Variants in ADAM18 observed in about 807,000 individuals in gnomAD.
ADAM18 encodes the protein disintegrin and metalloproteinase domain-containing protein 18.
In ADAM18, 117 loss-of-function variants were observed where a neutral mutation model predicts 94.4. The ratio of observed to expected loss-of-function variants is 1.24; its 90% CI spans 1.07 to 1.45. The LOEUF is 1.45. ADAM18 is among the 40% of genes most tolerant of loss of function. The pLI, the probability that ADAM18 is intolerant of heterozygous loss-of-function variation, is 0.00. For synonymous variants in ADAM18, 327 were observed against 291.6 expected, an observed-to-expected ratio of 1.12 and a Z score of -1.24; for missense variants, 936 against 880.0, an observed-to-expected ratio of 1.06 and a Z score of -0.81.
At chr8:39,598,815 T>G (rs1043318601) in intron 2 of ADAM18, among the ~76,000 whole-genome samples, 2 of 151,984 alleles carry the variant, frequency 1.3e-5, no homozygotes, top group African/African-American at 4.8e-5. Flanking sequence ...TTGGATTTTT[T>G]CTTTTTTCTT....
intron 16 of ADAM18, among the ~76,000 whole-genome samples, chr8:39,684,681 C>G (rs573862480): frequency 6.6e-6 from 1 of 152,296 alleles, no homozygotes; most frequent in African/African-American, 2.4e-5. Context: ...CCCAGCTCCA[C>G]TGGGCATTGC....
intron 18 of ADAM18, among the ~76,000 whole-genome samples, chr8:39,720,349 T>C (rs1258449434): frequency 6.6e-6 from 1 of 151,456 alleles, no homozygotes; most frequent in African/African-American, 2.4e-5. Flanking sequence ...GAAATGTGTA[T>C]GGATTATGGA....
Position 39,645,353 on chromosome 8 carries a change from G to T in ADAM18, c.925G>T (p.Gly309Cys), listed in dbSNP as rs113272825. ...AGIAMYPDAI[G>C]LEGFSVIIAQ... The stretch of plus-strand genomic sequence containing the variant: ...TTTATTTTAGTATCCAGATGCAATA[G>T]GTTTGGAGGGATTTTCGGTTATTAT... Residue 309 changes from glycine to cysteine, a missense_variant, in exon 11 of 20, where the codon GGT becomes TGT. Coordinates refer to ENST00000265707, the MANE Select transcript of ADAM18 (RefSeq NM_014237.3). The T allele has an allele frequency of 3.2e-5, 51 of 1,611,006 alleles. 1 individual carries two copies. The highest frequency in any genetic ancestry group is 3.3e-4 in the Middle Eastern group (2 of 6,040).
At chr8:39,590,622 C>T (rs1430848237) in intron 2 of ADAM18, among the ~76,000 whole-genome samples, 1 of 152,034 alleles carries the variant, frequency 6.6e-6, no homozygotes, top group African/African-American at 2.4e-5. Context: ...AAAATGAATG[C>T]TATCATTCCT....
At chr8:39,687,417 G>T (rs1228707261) in intron 16 of ADAM18, among the ~76,000 whole-genome samples, 1 of 152,108 alleles carries the variant, frequency 6.6e-6, no homozygotes, top group Non-Finnish European at 1.5e-5. Context: ...TTAATTTCTT[G>T]TCATCTCCCT....
intron 9 of ADAM18, 53 bp from the exon 10 acceptor site, chr8:39,638,412 A>G: frequency 8.0e-7 from 1 of 1,251,340 alleles, no homozygotes; most frequent in Non-Finnish European, 1.1e-6. Flanking sequence ...TTAATACATA[A>G]GCTTACAAAT....
At chr8:39,592,062 A>G (rs1818583063) in intron 2 of ADAM18, among the ~76,000 whole-genome samples, 1 of 152,170 alleles carries the variant, frequency 6.6e-6, no homozygotes. Flanking sequence ...ATATTTAGTA[A>G]ACCATATTAT....
intron 11 of ADAM18, among the ~76,000 whole-genome samples, chr8:39,646,772 C>G (rs539564204): frequency 6.6e-6 from 1 of 151,944 alleles, no homozygotes; most frequent in East Asian, 1.9e-4. Flanking sequence ...AAGATCTCCC[C>G]GGGACTTATA....
chr8:39,663,403 A>G (rs1262678129), intron 12 of ADAM18, among the ~76,000 whole-genome samples: 1 of 146,206 alleles, frequency 6.8e-6, no homozygotes, highest in African/African-American at 2.5e-5. Flanking sequence ...AGCCTGGGCA[A>G]GATAGTGACA....
intron 18 of ADAM18, among the ~76,000 whole-genome samples, chr8:39,722,567 T>C (rs567400004): frequency 6.6e-6 from 1 of 151,264 alleles, no homozygotes; most frequent in East Asian, 1.9e-4. Flanking sequence ...AAATTACCTA[T>C]TGAATACAAT....
chr8:39,725,217 T>C (rs1281062250), intron 19 of ADAM18, among the ~76,000 whole-genome samples: 3 of 152,074 alleles, frequency 2.0e-5, no homozygotes, highest in Non-Finnish European at 4.4e-5. Context: ...ACATACTTAA[T>C]ATATACATCT....
intron 16 of ADAM18, among the ~76,000 whole-genome samples, chr8:39,690,666 T>C (rs1232723904): frequency 6.6e-6 from 1 of 152,184 alleles, no homozygotes; most frequent in Non-Finnish European, 1.5e-5. Flanking sequence ...ACTGAAACTC[T>C]GTACCCATTA....
At chr8:39,590,447 A>T (rs1247179622) in intron 2 of ADAM18, among the ~76,000 whole-genome samples, 1 of 152,136 alleles carries the variant, frequency 6.6e-6, no homozygotes, top group Non-Finnish European at 1.5e-5. Flanking sequence ...GGGTGAGGGG[A>T]GAGGGGAGGG....
chr8:39,717,674 A>G (rs565806826), intron 18 of ADAM18, among the ~76,000 whole-genome samples: 192 of 151,818 alleles, frequency 1.3e-3, no homozygotes, highest in African/African-American at 4.4e-3. Flanking sequence ...AGCATGAGAG[A>G]AAAGATTCAT....
intron 6 of ADAM18, among the ~76,000 whole-genome samples, chr8:39,614,817 C>T (rs1467155696): frequency 6.6e-6 from 1 of 152,138 alleles, no homozygotes; most frequent in African/African-American, 2.4e-5. Context: ...ATTCTAATTT[C>T]AGATGGAATA....
chr8:39,588,231 T>TTG (rs368360750), intron 2 of ADAM18, among the ~76,000 whole-genome samples: 36,518 of 149,764 alleles, frequency 0.24, 4,674 homozygotes, highest in East Asian at 0.46. Flanking sequence ...GGTGTGGGTT[T>TTG]TTTTTTTTTT....
intron 18 of ADAM18, among the ~76,000 whole-genome samples, chr8:39,714,935 T>A (rs969986614): frequency 1.2e-4 from 19 of 152,108 alleles, no homozygotes; most frequent in African/African-American, 4.3e-4. Flanking sequence ...TAAGTGAGAA[T>A]TTACTGTATA....
intron 16 of ADAM18, among the ~76,000 whole-genome samples, chr8:39,684,062 T>C (rs945484307): frequency 6.6e-6 from 1 of 152,104 alleles, no homozygotes; most frequent in African/African-American, 2.4e-5. Flanking sequence ...AGAGGATCTC[T>C]TGAACTCAGG....
chr8:39,684,088 C>T (rs1821542142), intron 16 of ADAM18, among the ~76,000 whole-genome samples: 1 of 152,196 alleles, frequency 6.6e-6, no homozygotes, highest in South Asian at 2.1e-4. Context: ...GAAGCTTTCA[C>T]ACCACTACAC....
Sources: gnomAD v4.1 joint callset for allele counts (sites outside exome capture counted in the v4.1 genomes callset) on GRCh38, gnomAD v4.1.1 for gene constraint, MANE v1.5 for transcripts, NCBI Gene and HGNC (gene_info 2026-07-23, HGNC 2026-07-21) for gene names.